ROBO1: variants seen among roughly 807,000 people sequenced by gnomAD.
ROBO1 encodes the protein roundabout homolog 1.
In ROBO1, 149 loss-of-function variants were observed where a neutral mutation model predicts 195.9. The observed-to-expected ratio is 0.76, with a 90% CI of 0.67 to 0.87. The LOEUF (loss-of-function observed/expected upper bound fraction) is 0.87. Among genes scored for constraint, ROBO1 ranks in the 40% least tolerant of loss-of-function variants. The pLI, the probability that ROBO1 is intolerant of heterozygous loss-of-function variation, is 0.00. For missense variants in ROBO1, 1,933 were observed against 2,068.3 expected, an observed-to-expected ratio of 0.93 and a Z score of 1.27; for synonymous variants, 816 against 733.2, an observed-to-expected ratio of 1.11 and a Z score of -1.82.
intron 3 of ROBO1, among the ~76,000 whole-genome samples, chr3:79,049,255 A>G (rs2078651790): frequency 6.6e-6 from 1 of 152,192 alleles, no homozygotes; most frequent in South Asian, 2.1e-4. Flanking sequence ...ATGCATTCAC[A>G]AGCTTGAATA....
intron 1 of ROBO1, among the ~76,000 whole-genome samples, chr3:79,710,900 C>A (rs1170635363): frequency 6.6e-6 from 1 of 152,066 alleles, no homozygotes; most frequent in Non-Finnish European, 1.5e-5. Flanking sequence ...TCTTCTGGTA[C>A]TTTGAAGTTG....
chr3:79,500,323 T>C (rs967278216), intron 2 of ROBO1, among the ~76,000 whole-genome samples: 9 of 152,046 alleles, frequency 5.9e-5, no homozygotes, highest in African/African-American at 2.2e-4. Context: ...AGAGACAGGG[T>C]TTCACCATGT....
At chr3:79,057,539 A>G (rs2078834594) in intron 3 of ROBO1, among the ~76,000 whole-genome samples, 1 of 151,968 alleles carries the variant, frequency 6.6e-6, no homozygotes, top group Non-Finnish European at 1.5e-5. Context: ...GGCAATGAAG[A>G]CCCATCTAAC....
chr3:79,465,467 T>C (rs977422718), intron 2 of ROBO1, among the ~76,000 whole-genome samples: 1 of 152,242 alleles, frequency 6.6e-6, no homozygotes, highest in African/African-American at 2.4e-5. Flanking sequence ...CTTCAAACTG[T>C]GTTAACTTTT....
At chr3:78,694,107 T>C (rs1015258977) in intron 8 of ROBO1, among the ~76,000 whole-genome samples, 17 of 152,214 alleles carry the variant, frequency 1.1e-4, no homozygotes, top group African/African-American at 4.1e-4. Context: ...TAATCTTATC[T>C]ATAAATCATA....
chr3:79,763,370 C>A (rs1704817005), intron 1 of ROBO1, among the ~76,000 whole-genome samples: 3 of 151,972 alleles, frequency 2.0e-5, no homozygotes, highest in Admixed American at 1.3e-4. Context: ...TCCTCTTAAT[C>A]CCTGAATAAA....
At chr3:78,930,044 A>G (rs2039427880) in intron 4 of ROBO1, among the ~76,000 whole-genome samples, 1 of 152,186 alleles carries the variant, frequency 6.6e-6, no homozygotes, top group East Asian at 1.9e-4. Flanking sequence ...CCAGAACGAA[A>G]GAAAACAAAA....
At chr3:79,575,919 A>C (rs2107769310) in intron 2 of ROBO1, among the ~76,000 whole-genome samples, 1 of 152,022 alleles carries the variant, frequency 6.6e-6, no homozygotes, top group South Asian at 2.1e-4. Context: ...AGTAGAACCA[A>C]CAGTTGTAAC....
intron 14 of ROBO1, among the ~76,000 whole-genome samples, chr3:78,662,998 G>A (rs551635372): frequency 4.6e-5 from 7 of 152,112 alleles, no homozygotes; most frequent in Non-Finnish European, 7.4e-5. Context: ...GAATACATGG[G>A]AGGAAGTGAA....
At chr3:79,476,283 G>A (rs1938542568) in intron 2 of ROBO1, among the ~76,000 whole-genome samples, 1 of 152,114 alleles carries the variant, frequency 6.6e-6, no homozygotes, top group African/African-American at 2.4e-5. Flanking sequence ...CTTTTGCACT[G>A]CTGGTGGGAA....
At position 78,606,923 on chromosome 3, in the gene ROBO1, T is replaced by C; in HGVS notation, c.4554A>G (p.Thr1518=). ...VPKLPSMDAR[T]DRSSDRKGSS... is the part of the protein sequence containing the mutation. ...TTCCTTTTCTGTCTGATGATCTGTC[T>C]GTTCTTGCATCCATAGAAGGGAGTT... is the stretch of plus-strand genomic sequence containing the variant. Residue 1518 remains threonine (T), a synonymous_variant, in exon 29 of 31, where the codon ACA becomes ACG. Transcript: ENST00000464233. 1 of 1,613,982 alleles carries C rather than the reference T, an allele frequency of 6.2e-7. No individual in the cohort carries two copies. Among genetic ancestry groups the C allele is most frequent in the Non-Finnish European group, 8.5e-7 (1 of 1,179,892 alleles).
At chr3:79,321,510 A>G (rs938266870) in intron 2 of ROBO1, among the ~76,000 whole-genome samples, 1 of 152,202 alleles carries the variant, frequency 6.6e-6, no homozygotes. Flanking sequence ...TACAAACTCA[A>G]TACACATTAG....
rs186279605 is a variant in ROBO1, at chr3:78,954,452, A to T, written c.173-15525T>A. Reference sequence around the variant, plus strand: ...ATTGTGCATCCGTAACACTCATTCTAATGGACCAAAACATTTAGGTCTGAA... The same window carrying T: ...ATTGTGCATCCGTAACACTCATTCTTATGGACCAAAACATTTAGGTCTGAA... On this transcript the variant is annotated intron_variant, in intron 3 of 30. Coordinates refer to ENST00000464233, the MANE Select transcript of ROBO1 (RefSeq NM_002941.4). 1.7e-3 allele frequency among the ~76,000 whole-genome samples: 265 copies of T among 152,218 alleles called. 4 individuals are homozygous for T. Among genetic ancestry groups the T allele is most frequent in the African/African-American group, 5.0e-3 (208 of 41,562 alleles).
intron 3 of ROBO1, among the ~76,000 whole-genome samples, chr3:79,071,678 A>C (rs578008469): frequency 6.6e-6 from 1 of 151,480 alleles, no homozygotes; most frequent in East Asian, 2.0e-4. Context: ...TGCCTTATAT[A>C]AGTAAATTTG....
intron 1 of ROBO1, among the ~76,000 whole-genome samples, chr3:79,635,952 A>G (rs7426887): frequency 0.58 from 87,582 of 151,890 alleles, 25,536 homozygotes; most frequent in South Asian, 0.67. Flanking sequence ...CCTAATATAG[A>G]CTGTTAGTTC....
chr3:79,308,596 T>A (rs932561500), intron 2 of ROBO1, among the ~76,000 whole-genome samples: 1 of 152,138 alleles, frequency 6.6e-6, no homozygotes, highest in African/African-American at 2.4e-5. Flanking sequence ...TGAAAAGTTC[T>A]ATTAAAAAAA....
Position 78,633,935 on chromosome 3 carries a change from C to A in ROBO1, c.3481G>T (p.Gly1161Trp). ...AAGTTCTTTGGTTCATCTTACTTAC[C>A]AGATGTACTACTGCCCCGGTCTGAG... ...NSSDRGSSTSGSQGHKKGART... is the reference protein window; with the variant it reads ...NSSDRGSSTSWSQGHKKGART... The change falls in exon 24 of 31, where the codon GGG becomes TGG. Residue 1161 changes from glycine to tryptophan, a missense_variant and splice_region_variant. This residue lies in a region of ROBO1 where 1,737 missense variants were observed against 1,882.5 expected (regional missense o/e 0.92). Transcript: ENST00000464233. 6.3e-7 allele frequency: 1 copy of A among 1,593,718 alleles called. No homozygotes were observed. The highest frequency in any genetic ancestry group is 8.6e-7 in the Non-Finnish European group (1 of 1,166,104).
At chr3:78,748,363 A>G (rs1269292905) in intron 4 of ROBO1, among the ~76,000 whole-genome samples, 2 of 152,092 alleles carry the variant, frequency 1.3e-5, no homozygotes, top group Non-Finnish European at 2.9e-5. Flanking sequence ...GAGAATTGCT[A>G]GAACCCAGGA....
chr3:79,669,604 G>A (rs961279183), intron 1 of ROBO1, among the ~76,000 whole-genome samples: 1 of 151,828 alleles, frequency 6.6e-6, no homozygotes, highest in South Asian at 2.1e-4. Flanking sequence ...TACTATCTAC[G>A]TTTGTGTAAG....
Sources: gnomAD v4.1 joint callset for allele counts (sites outside exome capture counted in the v4.1 genomes callset) on GRCh38, gnomAD v4.1.1 for gene constraint, gnomAD v4.1.1 regional missense constraint, MANE v1.5 for transcripts, NCBI Gene and HGNC (gene_info 2026-07-23, HGNC 2026-07-21) for gene names.